Variants in RGS9BP observed in about 807,000 individuals in gnomAD.
The protein encoded by RGS9BP is regulator of G protein signaling 9 binding protein.
Under a neutral mutation model 3.8 loss-of-function variants are expected in RGS9BP, and 1 was observed. The ratio of observed to expected loss-of-function variants is 0.26; its 90% CI spans 0.09 to 1.24. The LOEUF (loss-of-function observed/expected upper bound fraction) is 1.24. Among genes scored for constraint, RGS9BP ranks in the 50% most tolerant of loss-of-function variants. The probability of loss-of-function intolerance (pLI) is 0.48; values close to 1 mark genes in which losing one functional copy is unlikely to be tolerated. For missense variants in RGS9BP, 363 were observed against 344.3 expected, an observed-to-expected ratio of 1.05 and a Z score of -0.43; for synonymous variants, 200 against 177.8, an observed-to-expected ratio of 1.13 and a Z score of -1.00.
rs1014043479 is a variant in RGS9BP at position 32,676,672 on chromosome 19, G to A, written c.409G>A (p.Glu137Lys). 1.3e-6 allele frequency: 2 copies of A among 1,534,848 alleles called. No homozygotes were observed. Among genetic ancestry groups the A allele is most frequent in the Admixed American group, 2.0e-5 (1 of 50,956 alleles). ...RALSTRSLRL[E>K]AEGDFDVADL... is the part of the protein sequence containing the mutation. ...GCTGAGCACCCGCAGCCTGCGGCTC[G>A]AGGCGGAGGGCGACTTCGACGTCGC... Residue 137 changes from glutamate (E) to lysine (K), a missense_variant, in exon 1 of 1, where the codon GAG (glutamate) becomes AAG (lysine). Physicochemically the swap from Glu to Lys is moderately conservative, Grantham distance 56. Coordinates refer to ENST00000334176, the MANE Select transcript of RGS9BP (RefSeq NM_207391.3).
In RGS9BP at chr19:32,676,632, C is replaced by T. The variant is rs1308168381; in HGVS notation, c.369C>T (p.Gly123=). The change falls in exon 1 of 1, where the codon GGC becomes GGT. Residue 123 remains glycine, a synonymous_variant. Transcript: ENST00000334176. ...VRTGVAGASS[G]VAARALSTRS... Reference sequence around the variant, plus strand: ...CAGGTGTGGCTGGCGCCTCCTCCGGCGTGGCGGCGCGCGCGCTGAGCACCC... The same window carrying T: ...CAGGTGTGGCTGGCGCCTCCTCCGGTGTGGCGGCGCGCGCGCTGAGCACCC... 3.3e-6 allele frequency: 5 copies of T among 1,530,614 alleles called. No individual in the cohort carries two copies. The South Asian group carries it at 6.0e-5, about 18-fold the overall frequency. 94.8% of individuals were successfully genotyped at this position (1,530,614 alleles called of 1,614,324 possible).
At position 32,677,082 on chromosome 19, in the gene RGS9BP, C is replaced by A; in HGVS notation, c.*111C>A. 1 of 915,700 alleles carries A rather than the reference C, an allele frequency of 1.1e-6. No individual in the cohort carries two copies. Among genetic ancestry groups the A allele is most frequent in the Non-Finnish European group, 1.8e-6 (1 of 570,586 alleles). 56.7% of individuals were successfully genotyped at this position (915,700 alleles called of 1,614,324 possible). A position where few individuals can be genotyped will look rare whatever the true frequency, so the allele number is the denominator to read the frequency against. The stretch of plus-strand genomic sequence containing the variant: ...GAGTGGTCCTAAAACCCCGTGTGTG[C>A]ATGGGTACACGCGCGTTTCCAGTGC... On this transcript the variant is annotated 3_prime_UTR_variant, in exon 1 of 1. Transcript: ENST00000334176.
In RGS9BP at chr19:32,677,719, G is replaced by C. The variant is rs541805582; in HGVS notation, c.*748G>C. 1 of 167,154 alleles carries C rather than the reference G, an allele frequency of 6.0e-6. No individual in the cohort carries two copies. The highest frequency in any genetic ancestry group is 1.5e-5 in the Non-Finnish European group (1 of 68,190). The allele number at this position is 167,154 out of a possible 1,614,324, so 10.4% of individuals were successfully genotyped here. On this transcript the variant is annotated 3_prime_UTR_variant, in exon 1 of 1. Coordinates refer to ENST00000334176, the MANE Select transcript of RGS9BP (RefSeq NM_207391.3). ...AGTGCGCACACTTGCCTGCGGAAAA[G>C]GGCTCTCCCCAGCCACCCGGAGATG...
Position 32,676,441 on chromosome 19 carries a change from G to T in RGS9BP, c.178G>T (p.Ala60Ser). 6.3e-7 allele frequency: 1 copy of T among 1,587,452 alleles called. No individual in the cohort carries two copies. ...GGTGTCCACCTGCGCCCGGCTGACT[G>T]CTGTGCTGCGCGACCGGGGCCTGGC... ...LAVSTCARLTAVLRDRGLAAD... is the reference protein window; with the variant it reads ...LAVSTCARLTSVLRDRGLAAD... Residue 60 changes from alanine to serine, a missense_variant, in exon 1 of 1, where the codon GCT becomes TCT. Physicochemically the swap from Ala to Ser is moderately conservative, Grantham distance 99. Transcript: ENST00000334176.
chr19:32,676,947 C>G lies in RGS9BP; in HGVS notation c.684C>G (p.Ala228=), dbSNP rs1339386901. 1.9e-6 allele frequency: 3 copies of G among 1,603,374 alleles called. No individual in the cohort carries two copies. The highest frequency in any genetic ancestry group is 1.1e-5 in the South Asian group (1 of 90,116). ...TGCTGCTGGCGGCTGTGGCCCTAGC[C>G]GTGTGCGTGGCGAAGCTGAGCTGAC... The part of the protein sequence containing the change: ...GAVLLAAVAL[A]VCVAKLS The change falls in exon 1 of 1, where the codon GCC becomes GCG. Residue 228 remains alanine, a synonymous_variant. Coordinates refer to ENST00000334176, the MANE Select transcript of RGS9BP (RefSeq NM_207391.3).
rs779288933 is a variant in RGS9BP, at chr19:32,676,872, G to T, written c.609G>T (p.Gly203=). The stretch of plus-strand genomic sequence containing the variant: ...CGGTCGTGTCCTTGCAGGAGCGCGG[G>T]GGGGGTTGCGACCCCAGGAAGGCCC... ...PSSVVSLQER[G]GGCDPRKALA... The change falls in exon 1 of 1, where the codon GGG becomes GGT. Residue 203 remains glycine (G), a synonymous_variant. Transcript: ENST00000334176. 5.3e-5 allele frequency: 84 copies of T among 1,594,978 alleles called. No individual in the cohort carries two copies. The African/African-American group carries it at 8.7e-4, about 16-fold the overall frequency.
Position 32,676,711 on chromosome 19 carries a change from C to G in RGS9BP, c.448C>G (p.Leu150Val), listed in dbSNP as rs1311341546. 5.8e-6 allele frequency: 9 copies of G among 1,542,282 alleles called. No homozygotes were observed. The African/African-American group carries it at 9.5e-5, about 16-fold the overall frequency. ...GDFDVADLRELEREVLQVGEM... is the reference protein window; with the variant it reads ...GDFDVADLREVEREVLQVGEM... The stretch of plus-strand genomic sequence containing the variant: ...CTTCGACGTCGCGGACCTGCGGGAG[C>G]TGGAGCGCGAGGTCCTTCAGGTGGG... The change falls in exon 1 of 1, where the codon CTG (leucine) becomes GTG (valine). Residue 150 changes from leucine to valine, a missense_variant. Physicochemically the swap from Leu to Val is conservative, Grantham distance 32. Transcript: ENST00000334176.
rs964500444 is a variant in RGS9BP at position 32,677,745 on chromosome 19, G to C, written c.*774G>C. ...GGCTCTCCCCAGCCACCCGGAGATG[G>C]GGGTAAGAGGAAGAGCAGAGGCTTG... On this transcript the variant is annotated 3_prime_UTR_variant, in exon 1 of 1. Coordinates refer to ENST00000334176, the MANE Select transcript of RGS9BP (RefSeq NM_207391.3). 45 of 167,200 alleles carry C rather than the reference G, an allele frequency of 2.7e-4. No individual in the cohort carries two copies. The highest frequency in any genetic ancestry group is 1.1e-3 in the African/African-American group (44 of 41,438). The allele number at this position is 167,200 out of a possible 1,614,324, so 10.4% of individuals were successfully genotyped here.
Position 32,676,226 on chromosome 19 carries a change from C to G in RGS9BP, c.-38C>G. The stretch of plus-strand genomic sequence containing the variant: ...CCTGCCGCGCTGAGGGGGAGGCTAA[C>G]GGGCGCGGGCGGCCGGGCCCAGCCG... On this transcript the variant is annotated 5_prime_UTR_variant, in exon 1 of 1. Coordinates refer to ENST00000334176, the MANE Select transcript of RGS9BP (RefSeq NM_207391.3). 6.8e-7 allele frequency: 1 copy of G among 1,472,010 alleles called. No individual in the cohort carries two copies. Among genetic ancestry groups the G allele is most frequent in the South Asian group, 1.2e-5 (1 of 82,030 alleles). 91.2% of individuals were successfully genotyped at this position (1,472,010 alleles called of 1,614,324 possible).
chr19:32,677,029 T>G lies in RGS9BP; in HGVS notation c.*58T>G, dbSNP rs753217845. ...CCCTCCCCTGAGAAAAGACTCGGGATGGGTGTGGGGTCTGGCCTGTGCAAG... is the reference window on the plus strand; with the variant it reads ...CCCTCCCCTGAGAAAAGACTCGGGAGGGGTGTGGGGTCTGGCCTGTGCAAG... On this transcript the variant is annotated 3_prime_UTR_variant, in exon 1 of 1. Coordinates refer to ENST00000334176, the MANE Select transcript of RGS9BP (RefSeq NM_207391.3). The G allele has an allele frequency of 2.1e-6, 3 of 1,451,892 alleles. No homozygotes were observed. Among genetic ancestry groups the G allele is most frequent in the Non-Finnish European group, 2.8e-6 (3 of 1,052,768 alleles). The allele number at this position is 1,451,892 out of a possible 1,614,324, so 89.9% of individuals were successfully genotyped here. A position where few individuals can be genotyped will look rare whatever the true frequency, so the allele number is the denominator to read the frequency against.
chr19:32,676,131 C>T lies in RGS9BP; in HGVS notation c.-133C>T. The T allele has an allele frequency of 1.6e-6, 1 of 608,710 alleles. No individual in the cohort carries two copies. The highest frequency in any genetic ancestry group is 2.7e-6 in the Non-Finnish European group (1 of 367,790). 37.7% of individuals were successfully genotyped at this position (608,710 alleles called of 1,614,324 possible). ...GCTCCGTGGACGTTGGCGGTAGCGC[C>T]GAGCGAGTCACGGACCATGAAGAGC... On this transcript the variant is annotated 5_prime_UTR_variant, in exon 1 of 1. Transcript: ENST00000334176.
Position 32,677,016 on chromosome 19 carries a change from A to T in RGS9BP, c.*45A>T. On this transcript the variant is annotated 3_prime_UTR_variant, in exon 1 of 1. Transcript: ENST00000334176. The stretch of plus-strand genomic sequence containing the variant: ...TGCTGCTGCCGCTCCCTCCCCTGAG[A>T]AAAGACTCGGGATGGGTGTGGGGTC... 1 of 1,523,916 alleles carries T rather than the reference A, an allele frequency of 6.6e-7. No homozygotes were observed. The highest frequency in any genetic ancestry group is 9.0e-7 in the Non-Finnish European group (1 of 1,115,500). The allele number at this position is 1,523,916 out of a possible 1,614,324, so 94.4% of individuals were successfully genotyped here.
rs552551048 is a variant in RGS9BP at position 32,676,623 on chromosome 19, C to T, written c.360C>T (p.Ala120=). The T allele has an allele frequency of 3.3e-6, 5 of 1,529,678 alleles. No homozygotes were observed. In the East Asian group the frequency reaches 7.4e-5, roughly 23 times the overall value. The allele number at this position is 1,529,678 out of a possible 1,614,324, so 94.8% of individuals were successfully genotyped here. Residue 120 remains alanine, a synonymous_variant, in exon 1 of 1, where the codon GCC becomes GCT. Transcript: ENST00000334176. ...RPLVRTGVAG[A]SSGVAARALS... ...TGGTGCGCACAGGTGTGGCTGGCGC[C>T]TCCTCCGGCGTGGCGGCGCGCGCGC...
In RGS9BP at chr19:32,676,268, C is replaced by T. The variant is rs1413713671; in HGVS notation, c.5C>T (p.Ala2Val). Residue 2 changes from alanine to valine, a missense_variant, in exon 1 of 1, where the codon GCG becomes GTG. Transcript: ENST00000334176. ...GCCCAGCCGGAGCCCACCGCGATGG[C>T]GAGGGAGGAGTGCAAGGCGCTGCTG... MAREECKALLDG... is the reference protein window; with the variant it reads MVREECKALLDG... The T allele has an allele frequency of 4.4e-6, 7 of 1,583,486 alleles. No individual in the cohort carries two copies. The South Asian group carries it at 6.7e-5, about 15-fold the overall frequency.
In RGS9BP at chr19:32,676,683, C is replaced by A. The variant is rs1236507652; in HGVS notation, c.420C>A (p.Gly140=). Residue 140 remains glycine (G), a synonymous_variant, in exon 1 of 1, where the codon GGC becomes GGA. Transcript: ENST00000334176. ...GCAGCCTGCGGCTCGAGGCGGAGGG[C>A]GACTTCGACGTCGCGGACCTGCGGG... ...STRSLRLEAE[G]DFDVADLREL... 5 of 1,535,182 alleles carry A rather than the reference C, an allele frequency of 3.3e-6. No individual in the cohort carries two copies. Among genetic ancestry groups the A allele is most frequent in the Middle Eastern group, 1.7e-4 (1 of 5,770 alleles).
rs918782462 is a variant in RGS9BP at position 32,676,012 on chromosome 19, G to T, written c.-252G>T. ...AGACACGACGTGTGACTCGGAGTGC[G>T]CCTGGGGAGGATGGACGAGGGAGCG... On this transcript the variant is annotated 5_prime_UTR_variant, in exon 1 of 1. Transcript: ENST00000334176. 4.0e-5 allele frequency: 20 copies of T among 495,316 alleles called. No individual in the cohort carries two copies. Among genetic ancestry groups the T allele is most frequent in the Non-Finnish European group, 6.8e-5 (19 of 281,414 alleles). The allele number at this position is 495,316 out of a possible 1,614,324, so 30.7% of individuals were successfully genotyped here.
chr19:32,677,129 G>A lies in RGS9BP; in HGVS notation c.*158G>A, dbSNP rs1018175392. On this transcript the variant is annotated 3_prime_UTR_variant, in exon 1 of 1. Transcript: ENST00000334176. ...GTGCACATCTGCCTGGGCAGGACAC[G>A]GTTTCCTCTTGCTGGCCCGGGAGGA... The A allele has an allele frequency of 6.0e-6, 4 of 667,326 alleles. No homozygotes were observed. Among genetic ancestry groups the A allele is most frequent in the African/African-American group, 5.5e-5 (3 of 54,300 alleles). 41.3% of individuals were successfully genotyped at this position (667,326 alleles called of 1,614,324 possible). A position where few individuals can be genotyped will look rare whatever the true frequency, so the allele number is the denominator to read the frequency against.
In RGS9BP at chr19:32,677,056, G is replaced by T; in HGVS notation, c.*85G>T. 1 of 1,230,044 alleles carries T rather than the reference G, an allele frequency of 8.1e-7. No homozygotes were observed. The highest frequency in any genetic ancestry group is 1.2e-6 in the Non-Finnish European group (1 of 854,322). 76.2% of individuals were successfully genotyped at this position (1,230,044 alleles called of 1,614,324 possible). ...GGTGTGGGGTCTGGCCTGTGCAAGG[G>T]GAGTGGTCCTAAAACCCCGTGTGTG... On this transcript the variant is annotated 3_prime_UTR_variant, in exon 1 of 1. Transcript: ENST00000334176.
chr19:32,676,432 CG>C lies in RGS9BP; in HGVS notation c.171del (p.Leu58Ter). ...GGAGCTGGCGGTGTCCACCTGCGCC[CG>C]GCTGACTGCTGTGCTGCGCGACCGG... is the stretch of plus-strand genomic sequence containing the variant. The part of the protein sequence containing the change: ...AQELAVSTCA[R>X]LTAVLRDRGL... On this transcript the variant is annotated frameshift_variant, in exon 1 of 1. Transcript: ENST00000334176. LOFTEE classifies it high-confidence loss of function. 6.3e-7 allele frequency: 1 copy of C among 1,594,034 alleles called. No individual in the cohort carries two copies. The highest frequency in any genetic ancestry group is 8.5e-7 in the Non-Finnish European group (1 of 1,174,650).
Sources: allele counts gnomAD v4.1 joint callset, GRCh38; gene constraint gnomAD v4.1.1; transcripts MANE v1.5; gene names NCBI Gene and HGNC (gene_info 2026-07-23, HGNC 2026-07-21).